Variants in ANK3 observed in about 807,000 individuals in gnomAD.
ANK3 encodes ankyrin 3, also known as ankyrin-3.
A neutral mutation model predicts 370.9 loss-of-function variants in ANK3; 57 were observed. The observed-to-expected ratio is 0.15, with a 90% CI of 0.12 to 0.19. The LOEUF is 0.19. Ranked by LOEUF, ANK3 falls within the 10% of genes least tolerant of loss-of-function variation. ANK3 has a pLI of 1.00. For synonymous variants in ANK3, 1,929 were observed against 1,946.3 expected (o/e 0.99, Z 0.23); for missense variants, 4,439 against 5,302.1 (o/e 0.84, Z 5.06).
intron 25 of ANK3, 63 bp downstream of exon 25, chr10:60,134,208 G>T: frequency 1.5e-6 from 2 of 1,325,738 alleles, no homozygotes; most frequent in Non-Finnish European, 2.1e-6. Flanking sequence ...AAGACAGAGA[G>T]CTTGATTAAA....
Position 60,186,815 on chromosome 10 carries a change from C to A in ANK3, c.1985G>T (p.Arg662Leu). The change falls in exon 17 of 44, where the codon CGG becomes CTG. Residue 662 changes from arginine to leucine, a missense_variant. Around this residue, in one of 13 missense-constraint regions of ANK3, gnomAD observed 192 missense variants for 192.1 expected, o/e 1.00. Transcript: ENST00000280772. Reference protein sequence around the residue: ...EYGADANAVTRQGIASVHLAA... With the variant: ...EYGADANAVTLQGIASVHLAA... ...GAGATGGACGGAAGCAATTCCTTGC[C>A]GGGTAACTGCGTTGGCATCAGCACC... 1 of 1,614,152 alleles carries A rather than the reference C, an allele frequency of 6.2e-7. No homozygotes were observed. The highest frequency in any genetic ancestry group is 8.5e-7 in the Non-Finnish European group (1 of 1,180,018).
At chr10:60,092,821 C>T (rs546182951) in intron 28 of ANK3, among the ~76,000 whole-genome samples, 8 of 152,308 alleles carry the variant, frequency 5.3e-5, no homozygotes, top group South Asian at 2.1e-4. Context: ...CTGCAACCTC[C>T]GCCTCCTGGG....
At chr10:60,541,132 G>A (rs916563824) in intron 2 of ANK3, among the ~76,000 whole-genome samples, 8 of 151,798 alleles carry the variant, frequency 5.3e-5, no homozygotes, top group Admixed American at 5.3e-4. Flanking sequence ...AAACCTTCAG[G>A]AAAGAACATA....
At chr10:60,063,300 T>C in intron 39 of ANK3, 46 bp from the exon 40 acceptor site, 1 of 1,566,058 alleles carries the variant, frequency 6.4e-7, no homozygotes, top group Non-Finnish European at 8.6e-7. Flanking sequence ...AATTATGTTC[T>C]TTCAGTCAGC....
chr10:60,243,806 C>T (rs1265525699), intron 7 of ANK3, among the ~76,000 whole-genome samples: 4 of 152,034 alleles, frequency 2.6e-5, no homozygotes, highest in Non-Finnish European at 5.9e-5. Flanking sequence ...CTAAAGTAAG[C>T]CTTGAAAGAT....
At chr10:60,585,020 G>A (rs1438556803) in intron 2 of ANK3, among the ~76,000 whole-genome samples, 1 of 152,166 alleles carries the variant, frequency 6.6e-6, no homozygotes, top group African/African-American at 2.4e-5. Context: ...TATCCTTCAA[G>A]ATCTCTAAAG....
At chr10:60,516,947 T>C (rs994934228) in intron 2 of ANK3, among the ~76,000 whole-genome samples, 3 of 152,056 alleles carry the variant, frequency 2.0e-5, no homozygotes, top group South Asian at 4.2e-4. Context: ...GAAAATACTG[T>C]AGAGCCACGT....
At position 60,075,905 on chromosome 10, in the gene ANK3, G is replaced by A; in HGVS notation, c.4976C>T (p.Pro1659Leu). ...TGCTGATGTAATAATTGACTTAAAT[G>A]GCAAACTTGAGGAATACATATTAAT... ...SNINMYSSSL[P>L]FKSIITSAAP... The change falls in exon 37 of 44, where the codon CCA (proline) becomes CTA (leucine). Residue 1659 changes from proline to leucine, a missense_variant. Physicochemically the swap from Pro to Leu is moderately conservative, Grantham distance 98. Transcript: ENST00000280772. The A allele has an allele frequency of 6.2e-7, 1 of 1,614,118 alleles. No individual in the cohort carries two copies. The highest frequency in any genetic ancestry group is 1.1e-5 in the South Asian group (1 of 91,078).
At chr10:60,306,716 C>T (rs767168475) in intron 1 of ANK3, among the ~76,000 whole-genome samples, 29 of 152,194 alleles carry the variant, frequency 1.9e-4, no homozygotes, top group Non-Finnish European at 3.1e-4. Flanking sequence ...TGAACCTCAT[C>T]ATTTTTGAGA....
At chr10:60,251,828 T>A (rs2097671206) in intron 7 of ANK3, among the ~76,000 whole-genome samples, 2 of 152,222 alleles carry the variant, frequency 1.3e-5, no homozygotes, top group South Asian at 2.1e-4. Flanking sequence ...AGTAACTCCC[T>A]CTACCTGCAG....
At chr10:60,261,632 T>C (rs1592660982) in intron 7 of ANK3, among the ~76,000 whole-genome samples, 1 of 152,204 alleles carries the variant, frequency 6.6e-6, no homozygotes, top group Admixed American at 6.5e-5. Context: ...TAGATTTATT[T>C]ATCATCCATC....
At chr10:60,629,747 A>G (rs1018594881) in intron 1 of ANK3, among the ~76,000 whole-genome samples, 2 of 152,150 alleles carry the variant, frequency 1.3e-5, no homozygotes, top group Non-Finnish European at 2.9e-5. Context: ...AATCTTTTAT[A>G]AAAAAAGAAT....
At chr10:60,641,900 T>A (rs2078638825) in intron 1 of ANK3, among the ~76,000 whole-genome samples, 1 of 149,762 alleles carries the variant, frequency 6.7e-6, no homozygotes, top group African/African-American at 2.4e-5. Flanking sequence ...AGGGCTAATA[T>A]CCAGAATCTA....
intron 1 of ANK3, among the ~76,000 whole-genome samples, chr10:60,635,353 G>T (rs557348153): frequency 9.3e-4 from 142 of 152,050 alleles, no homozygotes; most frequent in Non-Finnish European, 1.8e-3. Context: ...TCCCAGCCCG[G>T]CATGAATCTT....
chr10:60,637,958 C>A (rs1260174656), intron 1 of ANK3, among the ~76,000 whole-genome samples: 1 of 152,052 alleles, frequency 6.6e-6, no homozygotes, highest in Non-Finnish European at 1.5e-5. Flanking sequence ...TTTGCCACAC[C>A]CTCAATAGGT....
At chr10:60,284,839 C>A (rs1321127171) in intron 1 of ANK3, among the ~76,000 whole-genome samples, 1 of 151,792 alleles carries the variant, frequency 6.6e-6, no homozygotes, top group African/African-American at 2.4e-5. Flanking sequence ...ACTTGATGTG[C>A]CAAAAAAATC....
intron 23 of ANK3, among the ~76,000 whole-genome samples, chr10:60,142,171 C>T (rs2094597515): frequency 6.6e-6 from 1 of 152,156 alleles, no homozygotes; most frequent in South Asian, 2.1e-4. Flanking sequence ...GCTATTCTTC[C>T]ACACCCACCT....
intron 1 of ANK3, among the ~76,000 whole-genome samples, chr10:60,330,117 C>T (rs2050864070): frequency 2.0e-5 from 3 of 152,140 alleles, no homozygotes; most frequent in Admixed American, 1.3e-4. Context: ...CTTGCTTACA[C>T]CTTATACAAA....
chr10:60,192,655 A>G (rs1206165542), intron 16 of ANK3, among the ~76,000 whole-genome samples: 2 of 152,158 alleles, frequency 1.3e-5, no homozygotes, highest in East Asian at 3.9e-4. Context: ...GCACATGGAC[A>G]TAAAGAGTGG....
Sources: gnomAD v4.1 joint callset for allele counts (sites outside exome capture counted in the v4.1 genomes callset) on GRCh38, gnomAD v4.1.1 for gene constraint, gnomAD v4.1.1 regional missense constraint, MANE v1.5 for transcripts, NCBI Gene and HGNC (gene_info 2026-07-23, HGNC 2026-07-21) for gene names.